Variants in TTLL11 observed in about 807,000 individuals in gnomAD.
TTLL11 encodes the protein tubulin tyrosine ligase like 11.
A neutral mutation model predicts 51.7 loss-of-function variants in TTLL11; 42 were observed. The observed-to-expected ratio is 0.81, with a 90% confidence interval of 0.64 to 1.05. TTLL11 has a LOEUF of 1.05. Ranked by LOEUF, TTLL11 falls within the 50% of genes least tolerant of loss-of-function variation. The pLI is 0.00. For missense variants in TTLL11, 799 were observed against 940.4 expected, an observed-to-expected ratio of 0.85 and a Z score of 1.97; for synonymous variants, 381 against 383.5, an observed-to-expected ratio of 0.99 and a Z score of 0.08.
At chr9:121,835,946 C>A (rs1281184462) in intron 8 of TTLL11, among the ~76,000 whole-genome samples, 1 of 152,184 alleles carries the variant, frequency 6.6e-6, no homozygotes, top group Non-Finnish European at 1.5e-5. Context: ...AAATCTCTGG[C>A]TTAAAAAGGA....
chr9:121,857,324 A>T (rs1400802699), intron 8 of TTLL11, among the ~76,000 whole-genome samples: 1 of 152,172 alleles, frequency 6.6e-6, no homozygotes, highest in Non-Finnish European at 1.5e-5. Flanking sequence ...ACTTAAGTGA[A>T]CAAGCACTGC....
At chr9:121,937,921 A>G (rs1841294673) in intron 6 of TTLL11, among the ~76,000 whole-genome samples, 1 of 152,116 alleles carries the variant, frequency 6.6e-6, no homozygotes, top group African/African-American at 2.4e-5. Flanking sequence ...GTATAAAATA[A>G]CCTGATAAAA....
Position 121,822,954 on chromosome 9 carries a change from A to G in TTLL11, c.1841-75T>C, listed in dbSNP as rs2119101283. 6.9e-7 allele frequency: 1 copy of G among 1,444,526 alleles called. No individual in the cohort carries two copies. Among genetic ancestry groups the G allele is most frequent in the African/African-American group, 1.4e-5 (1 of 69,736 alleles). 89.5% of individuals were successfully genotyped at this position (1,444,526 alleles called of 1,614,324 possible). On this transcript the variant is annotated intron_variant, in intron 8 of 8. Coordinates refer to ENST00000321582, the MANE Select transcript of TTLL11 (RefSeq NM_001139442.2). The surrounding 1 kb of genome is among the most constrained non-coding windows in gnomAD (Gnocchi z 5.8). ...GCCCTGGGAAGGCCCACCTCCAGCCACAAGGATGTCAGCAAGAGCTAGCCC... is the reference window on the plus strand; with the variant it reads ...GCCCTGGGAAGGCCCACCTCCAGCCGCAAGGATGTCAGCAAGAGCTAGCCC...
intron 1 of TTLL11, among the ~76,000 whole-genome samples, chr9:122,077,770 T>C (rs1235754636): frequency 6.6e-6 from 1 of 151,608 alleles, no homozygotes; most frequent in Non-Finnish European, 1.5e-5. Flanking sequence ...GCATGTTGTT[T>C]TCAAGCATAC....
intron 6 of TTLL11, among the ~76,000 whole-genome samples, chr9:121,929,828 G>A (rs952876424): frequency 2.0e-5 from 3 of 152,242 alleles, no homozygotes; most frequent in African/African-American, 7.2e-5. Context: ...TCCTTTGGGT[G>A]TTTGTAGAAT....
chr9:122,018,110 T>C (rs879470509), intron 3 of TTLL11, among the ~76,000 whole-genome samples: 708 of 45,840 alleles, frequency 0.015, 4 homozygotes, highest in Non-Finnish European at 0.021. Context: ...ATAATGCCAC[T>C]TTTTTTTTTT....
At chr9:121,987,180 G>T in intron 4 of TTLL11, among the ~76,000 whole-genome samples, 1 of 152,150 alleles carries the variant, frequency 6.6e-6, no homozygotes, top group South Asian at 2.1e-4. Context: ...CCCCAGGGCT[G>T]GGCAGGGACA....
intron 8 of TTLL11, among the ~76,000 whole-genome samples, chr9:121,825,847 A>G (rs1305843056): frequency 7.3e-6 from 1 of 137,176 alleles, no homozygotes; most frequent in Non-Finnish European, 1.6e-5. Flanking sequence ...GCCAATTTGG[A>G]AAAAAAAAAA....
rs1157615086 is a variant in TTLL11, at chr9:121,826,537, GTA to G, written c.1841-3660_1841-3659del. 3.9e-3 allele frequency among the ~76,000 whole-genome samples: 181 copies of G among 46,992 alleles called. 12 individuals carry two copies. The highest frequency in any genetic ancestry group is 6.4e-3 in the Admixed American group (33 of 5,170). The allele number at this position is 46,992 out of a possible 152,430, so 30.8% of individuals were successfully genotyped here. A position where few individuals can be genotyped will look rare whatever the true frequency, so the allele number is the denominator to read the frequency against. ...TATGTATATATATATATGTGTGTGT[GTA>G]TATATATATATGTGTGTGTATATAT... On this transcript the variant is annotated intron_variant, in intron 8 of 8. Transcript: ENST00000321582.
chr9:122,083,505 T>C (rs1846048447), intron 1 of TTLL11, among the ~76,000 whole-genome samples: 1 of 152,080 alleles, frequency 6.6e-6, no homozygotes. Context: ...CATCCTGATA[T>C]GTACAAGAAT....
At chr9:121,866,328 T>C (rs372305912) in intron 7 of TTLL11, among the ~76,000 whole-genome samples, 1 of 152,282 alleles carries the variant, frequency 6.6e-6, no homozygotes, top group East Asian at 1.9e-4. Context: ...TCATCTTTTA[T>C]GATTAGGTTG....
rs375858013 is a variant in TTLL11 at position 121,956,463 on chromosome 9, T to C, written c.1481+17546A>G. 1.1e-4 allele frequency among the ~76,000 whole-genome samples: 16 copies of C among 152,360 alleles called. No individual in the cohort carries two copies. The South Asian group carries it at 2.7e-3, about 26-fold the overall frequency. On this transcript the variant is annotated intron_variant, in intron 6 of 8. Coordinates refer to ENST00000321582, the MANE Select transcript of TTLL11 (RefSeq NM_001139442.2). ...CAGTTCTGTGGTCACAAGCAATATATGTGACACCTACGAGTAGAGTTGTAT... is the reference window on the plus strand; with the variant it reads ...CAGTTCTGTGGTCACAAGCAATATACGTGACACCTACGAGTAGAGTTGTAT...
intron 3 of TTLL11, among the ~76,000 whole-genome samples, chr9:122,004,273 C>T (rs1843571386): frequency 6.6e-6 from 1 of 152,096 alleles, no homozygotes; most frequent in Non-Finnish European, 1.5e-5. Context: ...ATGCTCCAAA[C>T]ATGTCAGACT....
In TTLL11 at chr9:121,853,917, G is replaced by A. The variant is rs562211796; in HGVS notation, c.1840+6420C>T. On this transcript the variant is annotated intron_variant, in intron 8 of 8. Transcript: ENST00000321582. This position sits in a 1 kb window ranked among gnomAD's most constrained non-coding sequence, Gnocchi z 5.6. Reference sequence around the variant, plus strand: ...GGTAGGTGCCCCAGAAGCACTTCCCGAGAAAGTAGTGCAGTAGGAGCAATG... The same window carrying A: ...GGTAGGTGCCCCAGAAGCACTTCCCAAGAAAGTAGTGCAGTAGGAGCAATG... 5.9e-5 allele frequency among the ~76,000 whole-genome samples: 9 copies of A among 152,344 alleles called. No homozygotes were observed. The East Asian group carries it at 1.2e-3, about 20-fold the overall frequency.
chr9:121,957,938 GT>G (rs1842072889), intron 6 of TTLL11, among the ~76,000 whole-genome samples: 1 of 152,176 alleles, frequency 6.6e-6, no homozygotes. Context: ...GCTTCAGTTT[GT>G]TTTCTTTCTT....
chr9:121,920,887 C>A (rs1300583606), intron 6 of TTLL11, among the ~76,000 whole-genome samples: 1 of 152,210 alleles, frequency 6.6e-6, no homozygotes, highest in East Asian at 1.9e-4. Flanking sequence ...TACAGAGGGC[C>A]TAGGACCGCT....
intron 6 of TTLL11, among the ~76,000 whole-genome samples, chr9:121,960,545 T>A (rs981185422): frequency 1.2e-4 from 18 of 152,132 alleles, no homozygotes; most frequent in Non-Finnish European, 2.1e-4. Context: ...CTGGCTCACC[T>A]GGCTGTTGGT....
chr9:122,058,244 G>T (rs1845345243), intron 1 of TTLL11, among the ~76,000 whole-genome samples: 2 of 152,216 alleles, frequency 1.3e-5, no homozygotes, highest in Non-Finnish European at 2.9e-5. Flanking sequence ...GCCTGGGAGG[G>T]AGTAGGCGTG....
intron 6 of TTLL11, among the ~76,000 whole-genome samples, chr9:121,942,876 G>GCT (rs903400305): frequency 1.3e-5 from 2 of 150,696 alleles, no homozygotes; most frequent in African/African-American, 4.9e-5. Flanking sequence ...CAACAACCAA[G>GCT]CTCCAACATC....
Sources: allele counts gnomAD v4.1 joint callset (sites outside exome capture counted in the v4.1 genomes callset), GRCh38; gene constraint gnomAD v4.1.1; non-coding constraint Gnocchi (gnomAD v3.1); transcripts MANE v1.5; gene names NCBI Gene and HGNC (gene_info 2026-07-23, HGNC 2026-07-21).